Variants in KIF15 observed in about 807,000 individuals in gnomAD.
KIF15 encodes the protein kinesin family member 15, also known as kinesin-like protein KIF15.
A neutral mutation model predicts 190.6 loss-of-function variants in KIF15; 140 were observed. That is an observed-to-expected ratio of 0.73 (90% CI 0.64 to 0.84). KIF15 has a LOEUF of 0.84. Ranked by LOEUF, KIF15 falls within the 40% of genes least tolerant of loss-of-function variation. The pLI is 0.00. For missense variants in KIF15, 1,372 were observed against 1,584.4 expected (o/e 0.87, Z 2.28); for synonymous variants, 528 against 551.3 (o/e 0.96, Z 0.59).
intron 7 of KIF15, among the ~76,000 whole-genome samples, chr3:44,790,898 G>T (rs1405545668): frequency 6.6e-6 from 1 of 151,918 alleles, no homozygotes; most frequent in African/African-American, 2.4e-5. Flanking sequence ...GGCCAGGATG[G>T]TCTCTATCTC....
rs897593085 is a variant in KIF15 at position 44,821,485 on chromosome 3, G to A, written c.2550-4554G>A. 3.9e-5 allele frequency among the ~76,000 whole-genome samples: 6 copies of A among 152,106 alleles called. No individual in the cohort carries two copies. The East Asian group carries it at 9.7e-4, about 25-fold the overall frequency. ...TAGAGGCACTCCTCACATCCCAGAC[G>A]GGGCGGCGGGGCAGAGGCGCTCCCC... On this transcript the variant is annotated intron_variant, in intron 20 of 34. Transcript: ENST00000326047.
intron 7 of KIF15, among the ~76,000 whole-genome samples, chr3:44,790,111 G>A (rs906635348): frequency 5.3e-5 from 8 of 152,196 alleles, no homozygotes; most frequent in Admixed American, 6.5e-5. Flanking sequence ...CAAATATGGC[G>A]GGCTCACTGA....
At chr3:44,785,458 A>G (rs1374396045) in intron 6 of KIF15, among the ~76,000 whole-genome samples, 2 of 152,160 alleles carry the variant, frequency 1.3e-5, no homozygotes, top group African/African-American at 4.8e-5. Flanking sequence ...CCCTGGGGAT[A>G]TGGTCTTTCC....
chr3:44,800,769 A>C (rs1339266957), intron 11 of KIF15, among the ~76,000 whole-genome samples: 1 of 152,218 alleles, frequency 6.6e-6, no homozygotes, highest in African/African-American at 2.4e-5. Context: ...AAGAATAGCT[A>C]GTAGAGAATT....
chr3:44,852,434 C>A, intron 34 of KIF15, 95 bp downstream of exon 34: 2 of 1,203,482 alleles, frequency 1.7e-6, no homozygotes, highest in South Asian at 1.6e-5. Context: ...AATCAGTTAA[C>A]TGCTTACTTC....
intron 1 of KIF15, among the ~76,000 whole-genome samples, chr3:44,770,920 A>G (rs148648941): frequency 1.3e-5 from 2 of 152,232 alleles, no homozygotes; most frequent in African/African-American, 4.8e-5. Context: ...AGATTACTTC[A>G]GTTTTGTATT....
Position 44,801,984 on chromosome 3 carries a change from C to G in KIF15, c.1509+10C>G, listed in dbSNP as rs774226201. 13 of 1,555,922 alleles carry G rather than the reference C, an allele frequency of 8.4e-6. No homozygotes were observed. The highest frequency in any genetic ancestry group is 1.8e-5 in the Admixed American group (1 of 55,610). ...AACTCTGCGAGAACAAGTGAGTATA[C>G]GGCATCTATAATATTTCTAAAAATA... On this transcript the variant is annotated intron_variant, in intron 13 of 34. Transcript: ENST00000326047.
intron 1 of KIF15, among the ~76,000 whole-genome samples, chr3:44,766,666 A>G (rs996688753): frequency 1.3e-5 from 2 of 152,062 alleles, no homozygotes; most frequent in African/African-American, 4.8e-5. Context: ...TGGGAGGGAG[A>G]CAGCAATCTT....
chr3:44,843,322 C>T (rs961694283), intron 30 of KIF15, 88 bp downstream of exon 30: 68 of 809,102 alleles, frequency 8.4e-5, no homozygotes, highest in Non-Finnish European at 9.7e-5. Flanking sequence ...TCACAGGTTT[C>T]CCAAGGTGTA....
intron 4 of KIF15, among the ~76,000 whole-genome samples, chr3:44,779,091 A>C (rs1706043451): frequency 6.6e-6 from 1 of 150,974 alleles, no homozygotes; most frequent in African/African-American, 2.4e-5. Context: ...TCTTTAGGTT[A>C]TAATCCAGTA....
chr3:44,840,842 T>C (rs1299632991), intron 28 of KIF15, among the ~76,000 whole-genome samples: 2 of 151,650 alleles, frequency 1.3e-5, no homozygotes, highest in Non-Finnish European at 2.9e-5. Flanking sequence ...CTAATTTTTT[T>C]TTCTGTATTT....
At position 44,812,182 on chromosome 3, in the gene KIF15, GAAC is replaced by G; in HGVS notation, c.2173_2175del (p.Gln725del). ...GATGACTGAAGTTTTTGTGTTGCAG[GAAC>G]AAATGAGTGCTCTTCAAGCCAAACT... is the stretch of plus-strand genomic sequence containing the variant. On this transcript the variant is annotated inframe_deletion and splice_region_variant, in exon 18 of 35. Transcript: ENST00000326047. 1 of 1,606,638 alleles carries G rather than the reference GAAC, an allele frequency of 6.2e-7. No individual in the cohort carries two copies. Among genetic ancestry groups the G allele is most frequent in the Non-Finnish European group, 8.5e-7 (1 of 1,176,498 alleles).
chr3:44,862,826 ATTAT>A (rs1699273797), intron 6 of KIF15: 1 of 151,858 alleles, frequency 6.6e-6, no homozygotes, highest in African/African-American at 2.4e-5. Flanking sequence ...GTGGTCACTG[ATTAT>A]TTAGGGTTAA....
chr3:44,796,556 C>G (rs1444691597), intron 8 of KIF15, among the ~76,000 whole-genome samples: 1 of 152,192 alleles, frequency 6.6e-6, no homozygotes, highest in East Asian at 1.9e-4. Context: ...TACTCTCAAC[C>G]ATGCCACTAA....
rs543038483 is a variant in KIF15 at position 44,847,162 on chromosome 3, T to G, written c.3696-823T>G. ...TTGAGGACTCATTACCATTTTTGTCTGGGCTGCCAGATTTGTTAAGGGAAA... is the reference window on the plus strand; with the variant it reads ...TTGAGGACTCATTACCATTTTTGTCGGGGCTGCCAGATTTGTTAAGGGAAA... On this transcript the variant is annotated intron_variant, in intron 30 of 34. Coordinates refer to ENST00000326047, the MANE Select transcript of KIF15 (RefSeq NM_020242.3). Among the ~76,000 whole-genome samples the G allele has an allele frequency of 3.3e-5, 5 of 152,358 alleles. No individual in the cohort carries two copies. In the South Asian group the frequency reaches 1.0e-3, roughly 32 times the overall value.
chr3:44,839,904 C>T (rs544999994), intron 27 of KIF15, among the ~76,000 whole-genome samples: 1 of 152,304 alleles, frequency 6.6e-6, no homozygotes, highest in African/African-American at 2.4e-5. Flanking sequence ...ATATATAGCA[C>T]ATTTTCTTTA....
intron 20 of KIF15, among the ~76,000 whole-genome samples, chr3:44,821,413 G>C (rs1321952708): frequency 7.4e-6 from 1 of 134,924 alleles, no homozygotes; most frequent in Non-Finnish European, 1.6e-5. Flanking sequence ...CAGACGGGGC[G>C]GTCGGGCAGA....
In KIF15 at chr3:44,810,863, C is replaced by T; in HGVS notation, c.1989C>T (p.Thr663=). 2.5e-6 allele frequency: 4 copies of T among 1,613,112 alleles called. No homozygotes were observed. The highest frequency in any genetic ancestry group is 3.4e-6 in the Non-Finnish European group (4 of 1,179,746). Residue 663 remains threonine, a synonymous_variant, in exon 17 of 35, where the codon ACC becomes ACT. Transcript: ENST00000326047. The stretch of plus-strand genomic sequence containing the variant: ...TGCTGCAGATTATAACTACACCAAC[C>T]AAGGCCTACCAACTTCATTCCCGAC... ...AETLKIITTP[T]KAYQLHSRPV... is the part of the protein sequence containing the mutation.
At chr3:44,821,072 T>C (rs1262647396) in intron 20 of KIF15, among the ~76,000 whole-genome samples, 23 of 100,996 alleles carry the variant, frequency 2.3e-4, no homozygotes, top group Non-Finnish European at 3.9e-4. Context: ...GCAGGCCGGG[T>C]GGCGGGCTGA....
Sources: allele counts gnomAD v4.1 joint callset (sites outside exome capture counted in the v4.1 genomes callset), GRCh38; gene constraint gnomAD v4.1.1; transcripts MANE v1.5; gene names NCBI Gene and HGNC (gene_info 2026-07-23, HGNC 2026-07-21).